MROH1: variants seen among roughly 807,000 people sequenced by gnomAD.
MROH1 encodes maestro heat like repeat family member 1.
A neutral mutation model predicts 116.5 loss-of-function variants in MROH1; 117 were observed. That is an observed-to-expected ratio of 1.00 (90% CI 0.86 to 1.17). MROH1 has a LOEUF of 1.17. Ranked by LOEUF, MROH1 falls within the 50% of genes most tolerant of loss-of-function variation. The pLI, the probability that MROH1 is intolerant of heterozygous loss-of-function variation, is 0.00. For missense variants in MROH1, 1,873 were observed against 1,338.5 expected, an observed-to-expected ratio of 1.40 and a Z score of -6.23; for synonymous variants, 921 against 583.9, an observed-to-expected ratio of 1.58 and a Z score of -8.32.
chr8:144,199,221 T>G, intron 11 of MROH1, 21 bp downstream of exon 11: 1 of 1,608,016 alleles, frequency 6.2e-7, no homozygotes. Flanking sequence ...GGCCCAGCTT[T>G]GCCCATGGGC....
At chr8:144,167,980 G>C (rs1302250739) in intron 3 of MROH1, among the ~76,000 whole-genome samples, 1 of 152,156 alleles carries the variant, frequency 6.6e-6, no homozygotes, top group African/African-American at 2.4e-5. Context: ...ATGCCTGCCT[G>C]TGTGGGAGGC....
intron 12 of MROH1, among the ~76,000 whole-genome samples, chr8:144,216,919 A>ACGTCCTGATCCATCCGCCTTGG (rs1835391787): frequency 1.3e-5 from 2 of 151,896 alleles, no homozygotes; most frequent in African/African-American, 4.8e-5. Context: ...CAAACTCCTG[A>ACGTCCTGATCCATCCGCCTTGG]CCTCCTGATC....
At chr8:144,197,297 G>T (rs1830125810) in intron 10 of MROH1, among the ~76,000 whole-genome samples, 1 of 152,080 alleles carries the variant, frequency 6.6e-6, no homozygotes. Context: ...CTGTTGGCTG[G>T]AGGCCCCAGT....
At chr8:144,189,734 C>T (rs904791212) in intron 7 of MROH1, among the ~76,000 whole-genome samples, 1 of 152,226 alleles carries the variant, frequency 6.6e-6, no homozygotes, top group African/African-American at 2.4e-5. Flanking sequence ...CCCTGTGGCT[C>T]TTCCCGCCCA....
intron 3 of MROH1, among the ~76,000 whole-genome samples, chr8:144,164,554 G>A (rs1820332437): frequency 6.6e-6 from 1 of 152,002 alleles, no homozygotes. Context: ...ACAGGTGCAT[G>A]CCACTATGCC....
chr8:144,157,517 C>T (rs1818443360), intron 1 of MROH1, among the ~76,000 whole-genome samples: 1 of 151,256 alleles, frequency 6.6e-6, no homozygotes, highest in Admixed American at 6.6e-5. Context: ...GTAGAATTCC[C>T]CAGGGAAACC....
At chr8:144,190,415 G>A (rs1304810755) in intron 7 of MROH1, among the ~76,000 whole-genome samples, 2 of 152,146 alleles carry the variant, frequency 1.3e-5, no homozygotes, top group East Asian at 3.9e-4. Flanking sequence ...AGCTAGTCAG[G>A]AGGCTAAGGC....
intron 1 of MROH1, among the ~76,000 whole-genome samples, chr8:144,151,022 C>T (rs1319686142): frequency 2.6e-5 from 4 of 151,930 alleles, no homozygotes; most frequent in Non-Finnish European, 4.4e-5. Context: ...CCCAGGCAGG[C>T]GGATCACTTG....
intron 1 of MROH1, among the ~76,000 whole-genome samples, chr8:144,151,620 C>T (rs929692344): frequency 1.2e-4 from 19 of 152,210 alleles, no homozygotes; most frequent in Admixed American, 5.2e-4. Flanking sequence ...GGGCAAGAAC[C>T]CGGGATACAA....
At chr8:144,210,284 C>G (rs763467151) in intron 12 of MROH1, among the ~76,000 whole-genome samples, 2 of 151,964 alleles carry the variant, frequency 1.3e-5, no homozygotes, top group East Asian at 1.9e-4. Context: ...ACTAAAAATA[C>G]AAAAATTAGC....
chr8:144,148,386 C>G (rs1431825716), intron 1 of MROH1, among the ~76,000 whole-genome samples: 1 of 152,026 alleles, frequency 6.6e-6, no homozygotes, highest in Admixed American at 6.6e-5. Flanking sequence ...GTCCCCGGTG[C>G]CCGCCCCTCC....
rs939560617 is a variant in MROH1, at chr8:144,168,546, A to G, written c.168+106A>G. On this transcript the variant is annotated intron_variant, in intron 4 of 43. Coordinates refer to ENST00000326134, the MANE Select transcript of MROH1 (RefSeq NM_032450.3). ...AGCCAGGAGCAGTGGGTCGGGTGTTACGCAGGGGTGGCCACATGTCTAACC... is the reference window on the plus strand; with the variant it reads ...AGCCAGGAGCAGTGGGTCGGGTGTTGCGCAGGGGTGGCCACATGTCTAACC... The G allele has an allele frequency of 2.9e-6, 4 of 1,378,590 alleles. No individual in the cohort carries two copies. The African/African-American group carries it at 5.7e-5, about 20-fold the overall frequency. The allele number at this position is 1,378,590 out of a possible 1,614,324, so 85.4% of individuals were successfully genotyped here.
chr8:144,260,808 G>A lies in MROH1; in HGVS notation c.4512G>A (p.Gln1504=), dbSNP rs1483996662. 3 of 777,980 alleles carry A rather than the reference G, an allele frequency of 3.9e-6. No individual in the cohort carries two copies. In the African/African-American group the frequency reaches 5.1e-5, roughly 13 times the overall value. 48.2% of individuals were successfully genotyped at this position (777,980 alleles called of 1,614,324 possible). Residue 1504 remains glutamine (Q), a synonymous_variant, in exon 40 of 44, where the codon CAG becomes CAA. Coordinates refer to ENST00000326134, the MANE Select transcript of MROH1 (RefSeq NM_032450.3). The part of the protein sequence containing the change: ...GGLAPLLLHL[Q]DPQATVASAC... ...TGGCGCCCCTGCTGCTGCACCTGCA[G>A]GACCCTCAGGCCACCGTGGCCAGCG...
chr8:144,216,347 A>G (rs193155439), intron 12 of MROH1, among the ~76,000 whole-genome samples: 40 of 150,632 alleles, frequency 2.7e-4, no homozygotes, highest in African/African-American at 9.0e-4. Context: ...GGTGGCGGGC[A>G]CCTGTAATTC....
At chr8:144,186,578 A>G (rs917660077) in intron 7 of MROH1, among the ~76,000 whole-genome samples, 1 of 152,190 alleles carries the variant, frequency 6.6e-6, no homozygotes, top group African/African-American at 2.4e-5. Context: ...TGATATCCCA[A>G]AACTTGGAAC....
At position 144,255,657 on chromosome 8, in the gene MROH1, G is replaced by C. The variant is rs1451491773; in HGVS notation, c.3743G>C (p.Arg1248Thr). ...CCCCGGAACCTGCAGGCCCAGGAAA[G>C]GAGGGGTGCCAGTCCAGCCCTAGCC... Reference protein sequence around the residue: ...QLPRNLQAQERRGASPALATR... With the variant: ...QLPRNLQAQETRGASPALATR... The change falls in exon 35 of 44, where the codon AGG (arginine) becomes ACG (threonine). Residue 1248 changes from arginine to threonine, a missense_variant. By Grantham distance (71) the Arg-to-Thr change is moderately conservative (BLOSUM62 -1). Coordinates refer to ENST00000326134, the MANE Select transcript of MROH1 (RefSeq NM_032450.3). 3.9e-6 allele frequency: 3 copies of C among 769,222 alleles called. No individual in the cohort carries two copies. Among genetic ancestry groups the C allele is most frequent in the East Asian group, 2.5e-5 (1 of 40,786 alleles). 47.6% of individuals were successfully genotyped at this position (769,222 alleles called of 1,614,324 possible). A position where few individuals can be genotyped will look rare whatever the true frequency, so the allele number is the denominator to read the frequency against.
chr8:144,260,586 G>C, intron 39 of MROH1, 91 bp from the exon 40 acceptor site: 4 of 764,578 alleles, frequency 5.2e-6, no homozygotes, highest in Non-Finnish European at 9.6e-6. Context: ...GCCCGGGTCA[G>C]GCAAGGGCAC....
chr8:144,174,212 CAG>C (rs1823239520), intron 4 of MROH1, among the ~76,000 whole-genome samples: 1 of 152,128 alleles, frequency 6.6e-6, no homozygotes, highest in South Asian at 2.1e-4. Flanking sequence ...GGGGATCAAT[CAG>C]AGGAAAGCAC....
Position 144,179,704 on chromosome 8 carries a change from C to A in MROH1, c.300+118C>A, listed in dbSNP as rs1274499304. The A allele has an allele frequency of 3.8e-6, 5 of 1,309,460 alleles. No individual in the cohort carries two copies. The Middle Eastern group carries it at 5.6e-4, about 148-fold the overall frequency. 81.1% of individuals were successfully genotyped at this position (1,309,460 alleles called of 1,614,324 possible). A position where few individuals can be genotyped will look rare whatever the true frequency, so the allele number is the denominator to read the frequency against. Reference sequence around the variant, plus strand: ...TAGGGTGGTGTTTGGCTGCCTTGGGCTGGCAGATGCCCTTCGGTCTCATGC... The same window carrying A: ...TAGGGTGGTGTTTGGCTGCCTTGGGATGGCAGATGCCCTTCGGTCTCATGC... On this transcript the variant is annotated intron_variant, in intron 5 of 43. Transcript: ENST00000326134.
Sources: gnomAD v4.1 joint callset for allele counts (sites outside exome capture counted in the v4.1 genomes callset) on GRCh38, gnomAD v4.1.1 for gene constraint, MANE v1.5 for transcripts, NCBI Gene and HGNC (gene_info 2026-07-23, HGNC 2026-07-21) for gene names.